The following ARNT2 variants were observed in gnomAD, a reference collection of about 807,000 sequenced individuals.
The protein encoded by ARNT2 is aryl hydrocarbon receptor nuclear translocator 2, also known as ARNT protein 2.
In ARNT2, 36 loss-of-function variants were observed where a neutral mutation model predicts 91.7. That is an observed-to-expected ratio of 0.39 (90% CI 0.30 to 0.52). ARNT2 has a LOEUF of 0.52. Ranked by LOEUF, ARNT2 falls within the 20% of genes least tolerant of loss-of-function variation. ARNT2 has a pLI of 0.72. For synonymous variants in ARNT2, 365 were observed against 347.1 expected, an observed-to-expected ratio of 1.05 and a Z score of -0.57; for missense variants, 775 against 939.3, an observed-to-expected ratio of 0.83 and a Z score of 2.29.
At chr15:80,559,339 C>T (rs529781466) in intron 11 of ARNT2, among the ~76,000 whole-genome samples, 1 of 151,806 alleles carries the variant, frequency 6.6e-6, no homozygotes, top group East Asian at 1.9e-4. Flanking sequence ...CCAGCCCCAG[C>T]CCCAGCCCCG....
chr15:80,450,408 C>T (rs1374139686), intron 1 of ARNT2, among the ~76,000 whole-genome samples: 3 of 152,134 alleles, frequency 2.0e-5, no homozygotes, highest in Admixed American at 2.0e-4. Context: ...GGCAACCAGC[C>T]TTTCTGCTTG....
chr15:80,426,734 T>C (rs564453965), intron 1 of ARNT2, among the ~76,000 whole-genome samples: 1 of 152,350 alleles, frequency 6.6e-6, no homozygotes, highest in African/African-American at 2.4e-5. Context: ...ACCAGTTGTG[T>C]TCGTCAGCTC....
Position 80,404,618 on chromosome 15 carries a change from G to A in ARNT2, c.31+72G>A, listed in dbSNP as rs1033599084. The A allele has an allele frequency of 2.7e-5, 27 of 983,650 alleles. No individual in the cohort carries two copies. The highest frequency in any genetic ancestry group is 1.2e-4 in the Admixed American group (2 of 17,206). 60.9% of individuals were successfully genotyped at this position (983,650 alleles called of 1,614,324 possible). ...TGCCCGGGGCCGGAGCGGACCAGGC[G>A]CGCCGGGCGCCCCCGGGGGCGCGGA... On this transcript the variant is annotated intron_variant, in intron 1 of 18. Transcript: ENST00000303329. The surrounding 1 kb of genome is among the most constrained non-coding windows in gnomAD (Gnocchi z 5.5).
chr15:80,557,239 C>T (rs1207928261), intron 11 of ARNT2, among the ~76,000 whole-genome samples: 7 of 152,170 alleles, frequency 4.6e-5, no homozygotes, highest in African/African-American at 1.4e-4. Context: ...GCTTTCTTCC[C>T]ACTTCTGGCC....
chr15:80,569,124 C>T (rs1173418715), intron 12 of ARNT2, among the ~76,000 whole-genome samples: 3 of 152,206 alleles, frequency 2.0e-5, no homozygotes, highest in Non-Finnish European at 2.9e-5. Flanking sequence ...TCCAGTTACT[C>T]CCAGGGACAT....
intron 17 of ARNT2, among the ~76,000 whole-genome samples, chr15:80,582,968 G>A (rs554845349): frequency 1.3e-5 from 2 of 152,236 alleles, no homozygotes; most frequent in South Asian, 2.1e-4. Flanking sequence ...TAGACTCAAG[G>A]CCTCCTGGGT....
chr15:80,429,377 A>G (rs1443260235), intron 1 of ARNT2, among the ~76,000 whole-genome samples: 1 of 152,206 alleles, frequency 6.6e-6, no homozygotes, highest in Non-Finnish European at 1.5e-5. Flanking sequence ...AACCTACATA[A>G]AAACCCCTAA....
rs117815468 is a variant in ARNT2, at chr15:80,470,515, G to C, written c.408+84G>C. ...GAAATAAACTACGTGGGGAACCAGG[G>C]CTCAAGGTTGAGGAAGGAATGAAGC... On this transcript the variant is annotated intron_variant, in intron 4 of 18. Coordinates refer to ENST00000303329, the MANE Select transcript of ARNT2 (RefSeq NM_014862.4). 1.7e-3 allele frequency: 2,386 copies of C among 1,445,654 alleles called. 32 individuals are homozygous for C. The East Asian group carries it at 0.02, about 12-fold the overall frequency. The allele number at this position is 1,445,654 out of a possible 1,614,324, so 89.6% of individuals were successfully genotyped here. A position where few individuals can be genotyped will look rare whatever the true frequency, so the allele number is the denominator to read the frequency against.
At chr15:80,430,862 C>T (rs958353439) in intron 1 of ARNT2, among the ~76,000 whole-genome samples, 2 of 152,100 alleles carry the variant, frequency 1.3e-5, no homozygotes, top group Admixed American at 1.3e-4. Context: ...GCAAATCCAG[C>T]ACTGATCTTC....
chr15:80,478,168 G>A (rs1896834233), intron 5 of ARNT2, among the ~76,000 whole-genome samples: 1 of 152,166 alleles, frequency 6.6e-6, no homozygotes, highest in African/African-American at 2.4e-5. Context: ...AGGAAATGTT[G>A]GTTTGACAGC....
intron 1 of ARNT2, among the ~76,000 whole-genome samples, chr15:80,428,007 G>A (rs551937557): frequency 2.0e-4 from 31 of 152,330 alleles, no homozygotes; most frequent in African/African-American, 7.2e-4. Context: ...TCATCAGCTC[G>A]GCCTGATAAT....
chr15:80,527,852 T>C (rs1897661827), intron 8 of ARNT2, among the ~76,000 whole-genome samples: 1 of 152,182 alleles, frequency 6.6e-6, no homozygotes, highest in Non-Finnish European at 1.5e-5. Context: ...CTATGGCTGC[T>C]AGGGAAGATG....
chr15:80,458,951 C>A lies in ARNT2; in HGVS notation c.194+975C>A, dbSNP rs951446804. Among the ~76,000 whole-genome samples, 3 of 152,162 alleles carry A rather than the reference C, an allele frequency of 2.0e-5. No individual in the cohort carries two copies. In the East Asian group the frequency reaches 5.8e-4, roughly 29 times the overall value. ...CAGTTGTTTTTGGAGGAACCACATG[C>A]ATATTGAGTTCTGGGCCCCCTGAGT... On this transcript the variant is annotated intron_variant, in intron 3 of 18. Transcript: ENST00000303329.
intron 1 of ARNT2, among the ~76,000 whole-genome samples, chr15:80,436,913 C>T (rs556956679): frequency 5.9e-5 from 9 of 152,302 alleles, no homozygotes; most frequent in East Asian, 1.9e-4. Flanking sequence ...TTAGAATCCA[C>T]GAACTTATTG....
intron 1 of ARNT2, among the ~76,000 whole-genome samples, chr15:80,426,620 A>G (rs1895935894): frequency 6.6e-6 from 1 of 152,216 alleles, no homozygotes; most frequent in Non-Finnish European, 1.5e-5. Context: ...CTTGGAGTCC[A>G]TGAAGAGGAA....
intron 8 of ARNT2, among the ~76,000 whole-genome samples, chr15:80,541,918 A>C (rs1897913648): frequency 6.6e-6 from 1 of 152,208 alleles, no homozygotes; most frequent in Admixed American, 6.5e-5. Flanking sequence ...GACCCTGGTC[A>C]CGTGAGTGGC....
rs552572461 is a variant in ARNT2, at chr15:80,593,842, C to T, written c.*144C>T. 33 of 724,540 alleles carry T rather than the reference C, an allele frequency of 4.6e-5. No individual in the cohort carries two copies. Among genetic ancestry groups the T allele is most frequent in the African/African-American group, 1.1e-4 (6 of 57,044 alleles). 44.9% of individuals were successfully genotyped at this position (724,540 alleles called of 1,614,324 possible). On this transcript the variant is annotated 3_prime_UTR_variant, in exon 19 of 19. Transcript: ENST00000303329. ...ATCTCCCCCGCTGTGTGTCCCCAGG[C>T]GCATCATTGCTCCACTCTCCCCTGC...
chr15:80,582,762 C>T (rs988141661), intron 17 of ARNT2, among the ~76,000 whole-genome samples: 2 of 152,184 alleles, frequency 1.3e-5, no homozygotes, highest in African/African-American at 4.8e-5. Context: ...AGCACCCTGT[C>T]TGAGGAAGGA....
At chr15:80,574,543 C>T (rs1200300255) in intron 13 of ARNT2, among the ~76,000 whole-genome samples, 2 of 152,220 alleles carry the variant, frequency 1.3e-5, no homozygotes, top group Admixed American at 1.3e-4. Context: ...TTCTGATCCC[C>T]TTGGGCCCCT....
Sources: allele counts gnomAD v4.1 joint callset (sites outside exome capture counted in the v4.1 genomes callset), GRCh38; gene constraint gnomAD v4.1.1; non-coding constraint Gnocchi (gnomAD v3.1); transcripts MANE v1.5; gene names NCBI Gene and HGNC (gene_info 2026-07-23, HGNC 2026-07-21).